The following CCDC192 variants were observed in gnomAD, a reference collection of about 807,000 sequenced individuals.
CCDC192 encodes coiled-coil domain containing 192.
intron 5 of CCDC192, among the ~76,000 whole-genome samples, chr5:127,859,411 C>A (rs1439371828): frequency 6.6e-6 from 1 of 152,154 alleles, no homozygotes; most frequent in Non-Finnish European, 1.5e-5. Context: ...TGGAGAACTA[C>A]TTCTAGGATT....
intron 6 of CCDC192, among the ~76,000 whole-genome samples, chr5:127,919,384 G>A (rs1340497904): frequency 1.3e-5 from 2 of 151,908 alleles, no homozygotes; most frequent in Admixed American, 6.6e-5. Context: ...TGTACTTATA[G>A]TATTAATGTC....
At chr5:127,936,122 G>GAAAA (rs1350221643) in intron 6 of CCDC192, among the ~76,000 whole-genome samples, 1 of 151,676 alleles carries the variant, frequency 6.6e-6, no homozygotes, top group Non-Finnish European at 1.5e-5. Context: ...GAAAAGAAAA[G>GAAAA]AAAAAAAATT....
At chr5:127,728,250 T>C (rs1029597935) in intron 2 of CCDC192, among the ~76,000 whole-genome samples, 5 of 152,026 alleles carry the variant, frequency 3.3e-5, no homozygotes, top group African/African-American at 9.7e-5. Context: ...CATCAGATTC[T>C]CCAAGGTCAA....
At chr5:127,846,503 C>G (rs1169723960) in intron 5 of CCDC192, among the ~76,000 whole-genome samples, 1 of 151,902 alleles carries the variant, frequency 6.6e-6, no homozygotes, top group African/African-American at 2.4e-5. Context: ...GAGTTTCACT[C>G]TTGTCACCTA....
intron 6 of CCDC192, among the ~76,000 whole-genome samples, chr5:127,881,632 T>C (rs1368135067): frequency 6.6e-6 from 1 of 152,232 alleles, no homozygotes; most frequent in East Asian, 1.9e-4. Flanking sequence ...TCATTGGCAG[T>C]GTGCTTAAAT....
chr5:127,912,088 AT>A (rs113713531), intron 6 of CCDC192, among the ~76,000 whole-genome samples: 5,793 of 141,170 alleles, frequency 0.041, 332 homozygotes, highest in East Asian at 0.27. Flanking sequence ...TGCCCAGCTA[AT>A]TTTTTTTTTT....
intron 2 of CCDC192, among the ~76,000 whole-genome samples, chr5:127,734,440 C>G (rs1218997731): frequency 1.3e-5 from 2 of 150,638 alleles, no homozygotes; most frequent in Non-Finnish European, 3.0e-5. Context: ...GGGTATATAC[C>G]CAGTAATGGG....
In CCDC192 at chr5:127,931,675, T is replaced by A. The variant is rs368313654; in HGVS notation, c.536-9507T>A. On this transcript the variant is annotated intron_variant, in intron 6 of 6. Coordinates refer to ENST00000514853, the MANE Select transcript of CCDC192 (RefSeq NM_001317938.2). ...TGGGAAGCTCTGTAAAAATATAGATTCCCAGGCACCCTTCTAGAGTCACTC... is the reference window on the plus strand; with the variant it reads ...TGGGAAGCTCTGTAAAAATATAGATACCCAGGCACCCTTCTAGAGTCACTC... Among the ~76,000 whole-genome samples, 18 of 152,068 alleles carry A rather than the reference T, an allele frequency of 1.2e-4. No individual in the cohort carries two copies. The East Asian group carries it at 2.9e-3, about 25-fold the overall frequency.
At chr5:127,846,572 C>T (rs988546956) in intron 5 of CCDC192, among the ~76,000 whole-genome samples, 6 of 151,946 alleles carry the variant, frequency 3.9e-5, no homozygotes, top group Non-Finnish European at 5.9e-5. Flanking sequence ...CAGGTTCAAG[C>T]GATTCTCATG....
intron 6 of CCDC192, among the ~76,000 whole-genome samples, chr5:127,931,790 A>G (rs9327458): frequency 0.45 from 69,081 of 151,924 alleles, 17,786 homozygotes; most frequent in East Asian, 0.63. Context: ...TACAGCTTAT[A>G]GAAATCTAAA....
intron 5 of CCDC192, among the ~76,000 whole-genome samples, chr5:127,816,009 A>T (rs1404701982): frequency 6.6e-6 from 1 of 152,224 alleles, no homozygotes; most frequent in Non-Finnish European, 1.5e-5. Context: ...TTTGTCTCTA[A>T]AAGGTTTCAT....
chr5:127,884,661 T>A (rs938397299), intron 6 of CCDC192, among the ~76,000 whole-genome samples: 3 of 152,136 alleles, frequency 2.0e-5, no homozygotes, highest in Admixed American at 6.5e-5. Context: ...ATGTGCCAGA[T>A]GTGAAGGGCT....
chr5:127,827,041 AAT>A (rs1200303645), intron 5 of CCDC192, among the ~76,000 whole-genome samples: 2 of 152,204 alleles, frequency 1.3e-5, no homozygotes, highest in Non-Finnish European at 2.9e-5. Context: ...AAATGAAGAT[AAT>A]ATGGAAATGC....
intron 3 of CCDC192, among the ~76,000 whole-genome samples, chr5:127,793,281 ATC>A (rs1475245549): frequency 6.6e-6 from 1 of 152,244 alleles, no homozygotes; most frequent in African/African-American, 2.4e-5. Context: ...AGTTAAATAT[ATC>A]TGAGTCAAAG....
intron 3 of CCDC192, among the ~76,000 whole-genome samples, chr5:127,783,617 T>C (rs540890995): frequency 3.4e-4 from 52 of 152,346 alleles, no homozygotes; most frequent in Middle Eastern, 3.4e-3. Flanking sequence ...TGGAATTTTG[T>C]ATATGTATCT....
intron 3 of CCDC192, chr5:127,785,328 T>A (rs2126942193): frequency 2.2e-6 from 1 of 448,768 alleles, no homozygotes. Context: ...GCTCAGCACC[T>A]GAATGCTGAA....
At chr5:127,845,676 C>T (rs1039722655) in intron 5 of CCDC192, among the ~76,000 whole-genome samples, 1 of 151,968 alleles carries the variant, frequency 6.6e-6, no homozygotes, top group Non-Finnish European at 1.5e-5. Context: ...GATTCTATTG[C>T]GAGCAAGACC....
intron 3 of CCDC192, among the ~76,000 whole-genome samples, chr5:127,794,138 T>C (rs1451402773): frequency 6.6e-6 from 1 of 152,136 alleles, no homozygotes; most frequent in Non-Finnish European, 1.5e-5. Flanking sequence ...CCAAATTAGG[T>C]CACATCTCCT....
intron 6 of CCDC192, among the ~76,000 whole-genome samples, chr5:127,894,516 A>T (rs948998840): frequency 1.4e-4 from 21 of 152,160 alleles, no homozygotes; most frequent in Admixed American, 1.1e-3. Flanking sequence ...TAACTCATTT[A>T]TATAAATATA....
Sources: gnomAD v4.1 joint callset for allele counts (sites outside exome capture counted in the v4.1 genomes callset) on GRCh38, gnomAD v4.1.1 for gene constraint, MANE v1.5 for transcripts, NCBI Gene and HGNC (gene_info 2026-07-23, HGNC 2026-07-21) for gene names.